Variants in FECH observed in about 807,000 individuals in gnomAD.
FECH encodes the protein ferrochelatase, mitochondrial.
FECH carries 40 observed loss-of-function variants against 56.9 expected under a neutral mutation model. The observed-to-expected ratio is 0.70, with a 90% CI of 0.55 to 0.92. The LOEUF (loss-of-function observed/expected upper bound fraction) is 0.92, where lower values mean the gene tolerates loss of function less well. FECH is among the 40% of genes least tolerant of loss of function. The probability of loss-of-function intolerance (pLI) is 0.00; values close to 1 mark genes in which losing one functional copy is unlikely to be tolerated. For missense variants in FECH, 431 were observed against 529.1 expected, an observed-to-expected ratio of 0.81 and a Z score of 1.82; for synonymous variants, 175 against 198.6, an observed-to-expected ratio of 0.88 and a Z score of 1.00.
chr18:57,557,791 G>A (rs1021630228), intron 7 of FECH, among the ~76,000 whole-genome samples: 1 of 151,774 alleles, frequency 6.6e-6, no homozygotes, highest in African/African-American at 2.4e-5. Flanking sequence ...AGCAAGACCC[G>A]TCTCAAAAAA....
intron 7 of FECH, 36 bp downstream of exon 7, chr18:57,559,109 T>A: frequency 7.4e-7 from 1 of 1,360,180 alleles, no homozygotes; most frequent in Non-Finnish European, 1.1e-6. Flanking sequence ...CCCAATCCTC[T>A]ATCACTAGGT....
chr18:57,577,011 C>A (rs750709982), intron 2 of FECH, among the ~76,000 whole-genome samples: 1 of 152,180 alleles, frequency 6.6e-6, no homozygotes, highest in Non-Finnish European at 1.5e-5. Flanking sequence ...TATCCCAGGA[C>A]TCTCAAAATA....
At chr18:57,571,357 T>G in intron 4 of FECH, 35 bp downstream of exon 4, 1 of 1,606,108 alleles carries the variant, frequency 6.2e-7, no homozygotes, top group Non-Finnish European at 8.5e-7. Flanking sequence ...TCGAAAGAAC[T>G]AATCTAGTTA....
intron 6 of FECH, among the ~76,000 whole-genome samples, chr18:57,561,816 G>T (rs2050947462): frequency 6.6e-6 from 1 of 152,142 alleles, no homozygotes; most frequent in African/African-American, 2.4e-5. Flanking sequence ...CAAAACCCAG[G>T]CTGCTGGTGC....
chr18:57,570,031 T>TGTGTGTG lies in FECH; in HGVS notation c.463+1360_463+1361insCACACAC, dbSNP rs1317904142. Reference sequence around the variant, plus strand: ...GTTGCTGTTGTTGTTGTTGTTGTTGTCGTGTGTGTGTGTGTGTGTGTGTGT... The same window carrying TGTGTGTG: ...GTTGCTGTTGTTGTTGTTGTTGTTGTGTGTGTGCGTGTGTGTGTGTGTGTGTGTGTGT... On this transcript the variant is annotated intron_variant, in intron 4 of 10. Coordinates refer to ENST00000262093, the MANE Select transcript of FECH (RefSeq NM_000140.5). Among the ~76,000 whole-genome samples, 10 of 79,122 alleles carry TGTGTGTG rather than the reference T, an allele frequency of 1.3e-4. No individual in the cohort carries two copies. The East Asian group carries it at 2.6e-3, about 20-fold the overall frequency. The allele number at this position is 79,122 out of a possible 152,430, so 51.9% of individuals were successfully genotyped here.
At chr18:57,569,207 TAC>T (rs2051060910) in intron 4 of FECH, among the ~76,000 whole-genome samples, 1 of 152,256 alleles carries the variant, frequency 6.6e-6, no homozygotes. Context: ...ATCACATGAT[TAC>T]ACTTCTCATC....
intron 5 of FECH, among the ~76,000 whole-genome samples, chr18:57,563,214 T>C (rs1001979166): frequency 2.6e-5 from 4 of 152,154 alleles, no homozygotes; most frequent in African/African-American, 9.7e-5. Context: ...TGATGTCAGT[T>C]CTAGTGAAAA....
intron 3 of FECH, 96 bp downstream of exon 3, chr18:57,573,150 G>T (rs573902071): frequency 6.0e-6 from 7 of 1,168,792 alleles, no homozygotes; most frequent in Non-Finnish European, 9.0e-6. Flanking sequence ...TACCAGATAC[G>T]CATTAAAACT....
chr18:57,571,636 T>C, intron 3 of FECH, 96 bp from the exon 4 acceptor site: 1 of 1,574,214 alleles, frequency 6.4e-7, no homozygotes, highest in Non-Finnish European at 8.7e-7. Context: ...AGCAAAATTT[T>C]AGAGAGCCTA....
intron 7 of FECH, among the ~76,000 whole-genome samples, chr18:57,556,910 CAAAAAA>C (rs57650194): frequency 2.3e-5 from 1 of 44,368 alleles, no homozygotes; most frequent in African/African-American, 9.8e-5. Context: ...GACCCTGTCT[CAAAAAA>C]AAAAAAAAAA....
In FECH at chr18:57,572,513, T is replaced by TAA. The variant is rs57279341; in HGVS notation, c.314+731_314+732dup. On this transcript the variant is annotated intron_variant, in intron 3 of 10. Coordinates refer to ENST00000262093, the MANE Select transcript of FECH (RefSeq NM_000140.5). ...CCAACATGGCACATGTATACGTATG[T>TAA]AAAAAAAAAAAAAAAAAAAAAAAAG... 2.7e-3 allele frequency among the ~76,000 whole-genome samples: 151 copies of TAA among 55,990 alleles called. 1 individual carries two copies. The highest frequency in any genetic ancestry group is 0.01 in the African/African-American group (140 of 13,934). The allele number at this position is 55,990 out of a possible 152,430, so 36.7% of individuals were successfully genotyped here. A position where few individuals can be genotyped will look rare whatever the true frequency, so the allele number is the denominator to read the frequency against.
intron 7 of FECH, 74 bp from the exon 8 acceptor site, chr18:57,555,026 C>T (rs998950494): frequency 2.6e-6 from 3 of 1,157,814 alleles, no homozygotes; most frequent in East Asian, 2.3e-5. Flanking sequence ...TATGTGCTGA[C>T]ACAGTGTGAG....
In FECH at chr18:57,573,119, A is replaced by G; in HGVS notation, c.314+127T>C. ...ATATCCTTCTGATATCCAACAGAAA[A>G]CAATGCTGCTGTTTAACCATTACCA... On this transcript the variant is annotated intron_variant, in intron 3 of 10. Coordinates refer to ENST00000262093, the MANE Select transcript of FECH (RefSeq NM_000140.5). The G allele has an allele frequency of 4.1e-6, 4 of 977,384 alleles. No individual in the cohort carries two copies. The South Asian group carries it at 5.5e-5, about 13-fold the overall frequency. The allele number at this position is 977,384 out of a possible 1,614,324, so 60.5% of individuals were successfully genotyped here. A position where few individuals can be genotyped will look rare whatever the true frequency, so the allele number is the denominator to read the frequency against.
intron 5 of FECH, among the ~76,000 whole-genome samples, chr18:57,563,397 C>T (rs772119608): frequency 4.6e-5 from 7 of 151,980 alleles, no homozygotes; most frequent in Admixed American, 6.6e-5. Flanking sequence ...GCCTGACCAA[C>T]GTGGAGAAAC....
chr18:57,564,183 A>G (rs1168134476), intron 5 of FECH, among the ~76,000 whole-genome samples: 1 of 152,170 alleles, frequency 6.6e-6, no homozygotes. Flanking sequence ...CAGCATAACT[A>G]TTGTTATTAA....
At chr18:57,582,811 C>T (rs1258928462) in intron 1 of FECH, among the ~76,000 whole-genome samples, 1 of 150,492 alleles carries the variant, frequency 6.6e-6, no homozygotes, top group Non-Finnish European at 1.5e-5. Flanking sequence ...TAGTTCCAGG[C>T]TGAGACAGGA....
chr18:57,578,670 A>G (rs1245701844), intron 2 of FECH, among the ~76,000 whole-genome samples: 3 of 151,694 alleles, frequency 2.0e-5, no homozygotes, highest in Non-Finnish European at 1.5e-5. Context: ...ACAGAGCTAC[A>G]CTCCTCAAAA....
At position 57,545,927 on chromosome 18, in the gene FECH, A is replaced by C. The variant is rs540104438; in HGVS notation, c.*4785T>G. On this transcript the variant is annotated 3_prime_UTR_variant, in exon 11 of 11. Coordinates refer to ENST00000262093, the MANE Select transcript of FECH (RefSeq NM_000140.5). ...GGCGAATGTAGTTAATAATACTTCA[A>C]GTACTGTAGACAGTTGTCCTTCTAT... Among the ~76,000 whole-genome samples the C allele has an allele frequency of 6.6e-6, 1 of 152,216 alleles. No individual in the cohort carries two copies. Among genetic ancestry groups the C allele is most frequent in the Non-Finnish European group, 1.5e-5 (1 of 68,036 alleles).
chr18:57,577,716 G>A (rs868712035), intron 2 of FECH, among the ~76,000 whole-genome samples: 8 of 152,210 alleles, frequency 5.3e-5, no homozygotes, highest in South Asian at 4.2e-4. Context: ...TGTACAGTAC[G>A]GTCACATCTT....
Sources: allele counts gnomAD v4.1 joint callset (sites outside exome capture counted in the v4.1 genomes callset), GRCh38; gene constraint gnomAD v4.1.1; transcripts MANE v1.5; gene names NCBI Gene and HGNC (gene_info 2026-07-23, HGNC 2026-07-21).